SCAPER: variants seen among roughly 807,000 people sequenced by gnomAD.
SCAPER encodes S-phase cyclin A associated protein in the ER.
Under a neutral mutation model 182.2 loss-of-function variants are expected in SCAPER, and 98 were observed. The observed-to-expected ratio is 0.54, with a 90% CI of 0.46 to 0.64. SCAPER has a LOEUF of 0.64. Among genes scored for constraint, SCAPER ranks in the 30% least tolerant of loss-of-function variants. The pLI, the probability that SCAPER is intolerant of heterozygous loss-of-function variation, is 0.00. For missense variants in SCAPER, 1,432 were observed against 1,690.0 expected, an observed-to-expected ratio of 0.85 and a Z score of 2.68; for synonymous variants, 605 against 564.6, an observed-to-expected ratio of 1.07 and a Z score of -1.01.
chr15:76,820,773 C>T (rs1292589353), intron 5 of SCAPER, among the ~76,000 whole-genome samples: 2 of 150,072 alleles, frequency 1.3e-5, no homozygotes, highest in Non-Finnish European at 3.0e-5. Context: ...AAAAAAAAAA[C>T]TCAACAATAA....
chr15:76,795,548 T>C, intron 7 of SCAPER, 108 bp from the exon 8 acceptor site: 1 of 762,928 alleles, frequency 1.3e-6, no homozygotes, highest in Non-Finnish European at 1.9e-6. Context: ...TATCCACATA[T>C]ATAGAATAAT....
At chr15:76,794,813 C>T (rs1326569174) in intron 8 of SCAPER, among the ~76,000 whole-genome samples, 1 of 152,024 alleles carries the variant, frequency 6.6e-6, no homozygotes, top group Non-Finnish European at 1.5e-5. Context: ...ATAATAATCC[C>T]TCTTCTAATT....
At position 76,352,437 on chromosome 15, in the gene SCAPER, A is replaced by G. The variant is rs922846348; in HGVS notation, c.4048-1149T>C. On this transcript the variant is annotated intron_variant, in intron 30 of 31. Coordinates refer to ENST00000563290, the MANE Select transcript of SCAPER (RefSeq NM_020843.4). The stretch of plus-strand genomic sequence containing the variant: ...TTCAATAAAAGAATGAATAATCTGA[A>G]TTTAGAAAGAGCACACTCTTAAAAT... Among the ~76,000 whole-genome samples, 3 of 151,796 alleles carry G rather than the reference A, an allele frequency of 2.0e-5. 1 individual carries two copies. In the South Asian group the frequency reaches 6.2e-4, roughly 31 times the overall value.
At chr15:76,850,048 C>G (rs904477016) in intron 4 of SCAPER, among the ~76,000 whole-genome samples, 6 of 152,302 alleles carry the variant, frequency 3.9e-5, no homozygotes, top group Admixed American at 3.3e-4. Flanking sequence ...CCTGGTCCCA[C>G]CCTTGACACG....
chr15:76,678,958 G>A (rs951910630), intron 20 of SCAPER, among the ~76,000 whole-genome samples: 1 of 152,090 alleles, frequency 6.6e-6, no homozygotes, highest in East Asian at 1.9e-4. Flanking sequence ...AAGACCAAAG[G>A]AATCTGTAGT....
At chr15:76,718,026 C>T (rs963497467) in intron 17 of SCAPER, among the ~76,000 whole-genome samples, 6 of 152,120 alleles carry the variant, frequency 3.9e-5, no homozygotes, top group African/African-American at 1.4e-4. Context: ...TGTTAAACCA[C>T]AAAACAAGTC....
At chr15:76,574,105 G>C in intron 23 of SCAPER, 53 bp downstream of exon 23, 3 of 1,550,756 alleles carry the variant, frequency 1.9e-6, no homozygotes, top group Non-Finnish European at 2.6e-6. Flanking sequence ...TACTGTCATA[G>C]TGAGAAAGGA....
chr15:76,436,199 C>G (rs557808255), intron 25 of SCAPER, among the ~76,000 whole-genome samples: 34 of 152,142 alleles, frequency 2.2e-4, no homozygotes, highest in Non-Finnish European at 3.7e-4. Context: ...TCCTGAGTAG[C>G]TGGGATTACA....
chr15:76,632,613 G>A (rs1249232732), intron 21 of SCAPER, among the ~76,000 whole-genome samples: 1 of 152,008 alleles, frequency 6.6e-6, no homozygotes, highest in Non-Finnish European at 1.5e-5. Flanking sequence ...CAATTCATCC[G>A]TCTCAGCTTC....
At chr15:76,509,262 T>A (rs940224586) in intron 23 of SCAPER, among the ~76,000 whole-genome samples, 1 of 152,200 alleles carries the variant, frequency 6.6e-6, no homozygotes, top group African/African-American at 2.4e-5. Context: ...GATTATCCCC[T>A]CTTCTTCAGC....
rs35851130 is a variant in SCAPER at position 76,583,350 on chromosome 15, C to CAA, written c.2712-9068_2712-9067dup. Among the ~76,000 whole-genome samples the CAA allele has an allele frequency of 6.3e-3, 666 of 105,440 alleles. 6 individuals are homozygous for CAA. The highest frequency in any genetic ancestry group is 0.014 in the African/African-American group (435 of 30,064). The allele number at this position is 105,440 out of a possible 152,430, so 69.2% of individuals were successfully genotyped here. On this transcript the variant is annotated intron_variant, in intron 22 of 31. Coordinates refer to ENST00000563290, the MANE Select transcript of SCAPER (RefSeq NM_020843.4). ...TGAGCAACAGAGTGAGACTCCATCT[C>CAA]AAAAAAAAAAAAAAAAAACTTGAGT...
intron 23 of SCAPER, among the ~76,000 whole-genome samples, chr15:76,565,779 A>G (rs140241010): frequency 3.3e-5 from 5 of 152,202 alleles, no homozygotes; most frequent in Middle Eastern, 3.4e-3. Flanking sequence ...TAACAACTCA[A>G]TTTTTCTTTA....
intron 20 of SCAPER, among the ~76,000 whole-genome samples, chr15:76,699,332 T>A (rs978988310): frequency 9.9e-5 from 15 of 152,198 alleles, no homozygotes; most frequent in African/African-American, 3.6e-4. Flanking sequence ...GGAATCCTTG[T>A]CTCGTTCCAG....
intron 24 of SCAPER, among the ~76,000 whole-genome samples, chr15:76,501,151 G>C (rs1265109473): frequency 1.3e-5 from 2 of 152,036 alleles, no homozygotes; most frequent in Non-Finnish European, 2.9e-5. Flanking sequence ...AATTTTATTG[G>C]AGTACATTTG....
At chr15:76,893,114 G>A (rs1432793285) in intron 1 of SCAPER, among the ~76,000 whole-genome samples, 3 of 152,136 alleles carry the variant, frequency 2.0e-5, no homozygotes, top group Non-Finnish European at 2.9e-5. Flanking sequence ...CCTTGGGATG[G>A]TAATTGAACA....
chr15:76,619,209 A>G (rs2051786159), intron 22 of SCAPER, among the ~76,000 whole-genome samples: 1 of 152,174 alleles, frequency 6.6e-6, no homozygotes, highest in Non-Finnish European at 1.5e-5. Context: ...ATCACAGACT[A>G]TGTACTTTTT....
intron 26 of SCAPER, among the ~76,000 whole-genome samples, chr15:76,405,365 C>T (rs2044752835): frequency 6.6e-6 from 1 of 152,014 alleles, no homozygotes; most frequent in Admixed American, 6.5e-5. Context: ...GATCCTCCTG[C>T]CTCGGCCTCC....
chr15:76,615,854 A>G lies in SCAPER; in HGVS notation c.2711+5910T>C, dbSNP rs546521199. Reference sequence around the variant, plus strand: ...AAAAAAAAGAATATACAAATGTCCAAAAAGCACACGAAAAGATGTCCAACA... The same window carrying G: ...AAAAAAAAGAATATACAAATGTCCAGAAAGCACACGAAAAGATGTCCAACA... On this transcript the variant is annotated intron_variant, in intron 22 of 31. Coordinates refer to ENST00000563290, the MANE Select transcript of SCAPER (RefSeq NM_020843.4). Among the ~76,000 whole-genome samples the G allele has an allele frequency of 1.3e-4, 20 of 152,038 alleles. No homozygotes were observed. In the South Asian group the frequency reaches 2.7e-3, roughly 20 times the overall value.
At chr15:76,491,348 A>G (rs1339575286) in intron 24 of SCAPER, among the ~76,000 whole-genome samples, 2 of 152,198 alleles carry the variant, frequency 1.3e-5, no homozygotes, top group Non-Finnish European at 2.9e-5. Context: ...TTCATTCACC[A>G]GTTTTGGGTG....
Sources: gnomAD v4.1 joint callset for allele counts (sites outside exome capture counted in the v4.1 genomes callset) on GRCh38, gnomAD v4.1.1 for gene constraint, MANE v1.5 for transcripts, NCBI Gene and HGNC (gene_info 2026-07-23, HGNC 2026-07-21) for gene names.